Variants in RB1 observed in about 807,000 individuals in gnomAD.
The protein encoded by RB1 is RB transcriptional corepressor 1, also known as retinoblastoma-associated protein.
Under a neutral mutation model 135.4 loss-of-function variants are expected in RB1, and 18 were observed. The ratio of observed to expected loss-of-function variants is 0.13; its 90% CI spans 0.09 to 0.20. The LOEUF (loss-of-function observed/expected upper bound fraction) is 0.20. Ranked by LOEUF, RB1 falls within the 10% of genes least tolerant of loss-of-function variation. The pLI is 1.00. For missense variants in RB1, 868 were observed against 1,110.0 expected, an observed-to-expected ratio of 0.78 and a Z score of 3.10; for synonymous variants, 365 against 373.2, an observed-to-expected ratio of 0.98 and a Z score of 0.25.
At chr13:48,377,471 G>A (rs989454012) in intron 13 of RB1, among the ~76,000 whole-genome samples, 1 of 152,146 alleles carries the variant, frequency 6.6e-6, no homozygotes, top group Non-Finnish European at 1.5e-5. Context: ...GGGCCATGGA[G>A]TGACAGCCCT....
At position 48,441,333 on chromosome 13, in the gene RB1, C is replaced by T. The variant is rs192673347; in HGVS notation, c.1696-11660C>T. 3.5e-4 allele frequency among the ~76,000 whole-genome samples: 54 copies of T among 152,236 alleles called. 1 individual carries two copies. The East Asian group carries it at 9.6e-3, about 27-fold the overall frequency. On this transcript the variant is annotated intron_variant, in intron 17 of 26. Transcript: ENST00000267163. Reference sequence around the variant, plus strand: ...ATTGTGCCTGAAGACCCTTATGTTACCTTTACATATCAAATTTCTATTGTA... The same window carrying T: ...ATTGTGCCTGAAGACCCTTATGTTATCTTTACATATCAAATTTCTATTGTA...
intron 2 of RB1, among the ~76,000 whole-genome samples, chr13:48,325,652 C>T (rs531690203): frequency 1.3e-5 from 2 of 151,998 alleles, no homozygotes; most frequent in Non-Finnish European, 2.9e-5. Flanking sequence ...TCTTGAAGAG[C>T]ACATCTCCCT....
At chr13:48,381,635 T>C (rs1000166836) in intron 17 of RB1, among the ~76,000 whole-genome samples, 192 bp downstream of exon 17, 1 of 152,220 alleles carries the variant, frequency 6.6e-6, no homozygotes, top group Non-Finnish European at 1.5e-5. Flanking sequence ...CTAAACCATC[T>C]AATACAGCAC....
chr13:48,308,316 C>T (rs988383486), intron 2 of RB1, among the ~76,000 whole-genome samples: 7 of 149,332 alleles, frequency 4.7e-5, no homozygotes, highest in Non-Finnish European at 1.1e-4. Flanking sequence ...CACCACTGCA[C>T]TCCAGCCTGG....
chr13:48,320,456 T>C, intron 2 of RB1: 1 of 884,716 alleles, frequency 1.1e-6, no homozygotes, highest in Non-Finnish European at 1.8e-6. Flanking sequence ...ACCCCTGGAG[T>C]AGCGTTCCTG....
intron 20 of RB1, among the ~76,000 whole-genome samples, chr13:48,460,777 C>G (rs1210923210): frequency 6.6e-6 from 1 of 152,010 alleles, no homozygotes; most frequent in Non-Finnish European, 1.5e-5. Context: ...CCTGGGCAAC[C>G]TGGCAAAACT....
At chr13:48,463,920 TTAA>T (rs1949420810) in intron 21 of RB1, 85 bp downstream of exon 21, 6 of 833,916 alleles carry the variant, frequency 7.2e-6, no homozygotes, top group African/African-American at 1.7e-5. Flanking sequence ...CATTTATTCA[TTAA>T]TGAGATCATA....
rs539592836 is a variant in RB1 at position 48,339,874 on chromosome 13, T to C, written c.265-2725T>C. 4.5e-4 allele frequency among the ~76,000 whole-genome samples: 69 copies of C among 152,242 alleles called. 2 individuals are homozygous for C. The South Asian group carries it at 0.014, about 31-fold the overall frequency. On this transcript the variant is annotated intron_variant, in intron 2 of 26. Transcript: ENST00000267163. ...CCAATGACTTTTTTAGATTGAAAAA[T>C]TTTGAATCAAACTCAACTAAAATGA...
intron 23 of RB1, among the ~76,000 whole-genome samples, chr13:48,466,508 C>G (rs1177249395): frequency 6.6e-6 from 1 of 151,774 alleles, no homozygotes; most frequent in Non-Finnish European, 1.5e-5. Context: ...CGCCTCTCCT[C>G]CTCCAAAGGA....
intron 13 of RB1, 88 bp from the exon 14 acceptor site, chr13:48,379,506 T>G: frequency 1.4e-6 from 2 of 1,472,880 alleles, no homozygotes; most frequent in Non-Finnish European, 1.8e-6. Flanking sequence ...GGCAAAACAG[T>G]GAGACTCCAT....
At chr13:48,430,520 A>G (rs1043940568) in intron 17 of RB1, among the ~76,000 whole-genome samples, 1 of 152,140 alleles carries the variant, frequency 6.6e-6, no homozygotes, top group Admixed American at 6.5e-5. Flanking sequence ...CAGGTGGGTC[A>G]TCTGAGGTCA....
At position 48,456,342 on chromosome 13, in the gene RB1, T is replaced by C; in HGVS notation, c.1953T>C (p.Tyr651=). Residue 651 remains tyrosine (Y), a synonymous_variant, in exon 19 of 27, where the codon TAT becomes TAC. Transcript: ENST00000267163. ...PLKSTSLSLF[Y]KKVYRLAYLR... The stretch of plus-strand genomic sequence containing the variant: ...AATCTACCTCTCTTTCACTGTTTTA[T>C]AAAAAAGGTTAGTAGATGATTATTT... The C allele has an allele frequency of 6.2e-7, 1 of 1,614,116 alleles. No homozygotes were observed.
intron 17 of RB1, among the ~76,000 whole-genome samples, chr13:48,433,268 G>T (rs1368882065): frequency 6.7e-6 from 1 of 150,222 alleles, no homozygotes; most frequent in African/African-American, 2.4e-5. Context: ...AGTATACCTG[G>T]GTAAATATAG....
In RB1 at chr13:48,476,822, G is replaced by T. The variant is rs1949507139; in HGVS notation, c.2642G>T (p.Gly881Val). 2 of 1,613,608 alleles carry T rather than the reference G, an allele frequency of 1.2e-6. No homozygotes were observed. Among genetic ancestry groups the T allele is most frequent in the South Asian group, 1.1e-5 (1 of 91,068 alleles). Reference sequence around the variant, plus strand: ...AAAAAACTACGCTTTGATATTGAAGGATCAGATGAAGCAGATGGAAGGTAG... The same window carrying T: ...AAAAAACTACGCTTTGATATTGAAGTATCAGATGAAGCAGATGGAAGGTAG... ...PLKKLRFDIE[G>V]SDEADGSKHL... The change falls in exon 25 of 27, where the codon GGA becomes GTA. Residue 881 changes from glycine to valine, a missense_variant. Physicochemically the swap from Gly to Val is moderately radical, Grantham distance 109 (BLOSUM62 -3). Coordinates refer to ENST00000267163, the MANE Select transcript of RB1 (RefSeq NM_000321.3).
chr13:48,463,690 T>A, intron 20 of RB1, 41 bp from the exon 21 acceptor site: 1 of 1,166,568 alleles, frequency 8.6e-7, no homozygotes, highest in Non-Finnish European at 1.3e-6. Context: ...CAAAACCATG[T>A]AATAAAATTC....
intron 17 of RB1, among the ~76,000 whole-genome samples, chr13:48,382,755 A>G (rs1948545572): frequency 1.3e-5 from 2 of 152,180 alleles, no homozygotes; most frequent in Non-Finnish European, 2.9e-5. Context: ...TGTTTTAGTC[A>G]TGAAGTCCTT....
Position 48,367,514 on chromosome 13 carries a change from A to T in RB1, c.960A>T (p.Arg320=). 2 of 1,604,310 alleles carry T rather than the reference A, an allele frequency of 1.2e-6. No homozygotes were observed. Among genetic ancestry groups the T allele is most frequent in the Non-Finnish European group, 1.7e-6 (2 of 1,174,272 alleles). ...GLPEVENLSK[R]YEEIYLKNKD... is the part of the protein sequence containing the mutation. ...TCAAGGTTGAAAATCTTTCTAAACG[A>T]TACGAAGAAATTTATCTTAAAAATA... is the stretch of plus-strand genomic sequence containing the variant. Residue 320 remains arginine (R), a synonymous_variant, in exon 10 of 27, where the codon CGA becomes CGT. Coordinates refer to ENST00000267163, the MANE Select transcript of RB1 (RefSeq NM_000321.3).
At chr13:48,316,739 AC>A in intron 2 of RB1, 2 of 98,592 alleles carry the variant, frequency 2.0e-5, no homozygotes, top group Middle Eastern at 7.5e-3. Context: ...ACACACACAC[AC>A]ACACACACAC....
chr13:48,445,353 T>C (rs1174335060), intron 17 of RB1: 1 of 152,218 alleles, frequency 6.6e-6, no homozygotes, highest in Non-Finnish European at 1.5e-5. Flanking sequence ...TCTGTTGTAA[T>C]TGGTTTACTG....
Sources: gnomAD v4.1 joint callset for allele counts (sites outside exome capture counted in the v4.1 genomes callset) on GRCh38, gnomAD v4.1.1 for gene constraint, MANE v1.5 for transcripts, NCBI Gene and HGNC (gene_info 2026-07-23, HGNC 2026-07-21) for gene names.